PRKCE: variants seen among roughly 807,000 people sequenced by gnomAD.
The protein encoded by PRKCE is protein kinase C epsilon.
A neutral mutation model predicts 85.4 loss-of-function variants in PRKCE; 16 were observed. The observed-to-expected ratio is 0.19, with a 90% CI of 0.13 to 0.28. PRKCE has a LOEUF of 0.28. PRKCE is among the 10% of genes least tolerant of loss of function. PRKCE has a pLI of 1.00. For synonymous variants in PRKCE, 388 were observed against 371.5 expected (o/e 1.04, Z -0.51); for missense variants, 573 against 975.2 (o/e 0.59, Z 5.49).
At chr2:45,738,862 C>T (rs1468454600) in intron 1 of PRKCE, among the ~76,000 whole-genome samples, 1 of 152,242 alleles carries the variant, frequency 6.6e-6, no homozygotes, top group Non-Finnish European at 1.5e-5. Context: ...GTAGTTTTTA[C>T]ACGGCTCAAT....
intron 6 of PRKCE, among the ~76,000 whole-genome samples, chr2:45,990,375 A>G (rs1473617933): frequency 6.6e-6 from 1 of 152,192 alleles, no homozygotes; most frequent in African/African-American, 2.4e-5. Flanking sequence ...TTTTCTGTTC[A>G]TTAGAAGAGA....
At chr2:46,183,842 A>C (rs1011852393) in intron 14 of PRKCE, among the ~76,000 whole-genome samples, 3 of 152,140 alleles carry the variant, frequency 2.0e-5, no homozygotes, top group Non-Finnish European at 2.9e-5. Context: ...AGGACTACTG[A>C]CCCCTTGAAC....
At chr2:46,005,364 C>T (rs913545771) in intron 8 of PRKCE, among the ~76,000 whole-genome samples, 1 of 152,162 alleles carries the variant, frequency 6.6e-6, no homozygotes, top group Non-Finnish European at 1.5e-5. Context: ...TCAGATATGC[C>T]TGGTAAGGGA....
intron 1 of PRKCE, among the ~76,000 whole-genome samples, chr2:45,764,710 A>C (rs1392253696): frequency 1.3e-5 from 2 of 152,196 alleles, no homozygotes; most frequent in African/African-American, 4.8e-5. Context: ...ATTTAGAAAT[A>C]AGCTCAAATT....
intron 1 of PRKCE, among the ~76,000 whole-genome samples, chr2:45,817,066 AGTGTGTGTGTGTGTGTGTGTGTGT>A (rs200785601): frequency 7.4e-6 from 1 of 135,788 alleles, no homozygotes; most frequent in Non-Finnish European, 1.6e-5. Flanking sequence ...CTGTAAGTAG[AGTGTGTGTGTGTGTGTGTGTGTGT>A]GTGTGTGTGT....
rs115817778 is a variant in PRKCE at position 45,823,373 on chromosome 2, C to A, written c.349-19627C>A. On this transcript the variant is annotated intron_variant, in intron 1 of 14. Coordinates refer to ENST00000306156, the MANE Select transcript of PRKCE (RefSeq NM_005400.3). ...TTGGAAAATATTTCACCCCTAGTAGCTGAGCTGTTGAATTACTTTCGCAGA... is the reference window on the plus strand; with the variant it reads ...TTGGAAAATATTTCACCCCTAGTAGATGAGCTGTTGAATTACTTTCGCAGA... Among the ~76,000 whole-genome samples the A allele has an allele frequency of 5.6e-3, 858 of 152,340 alleles. 9 individuals carry two copies. Among genetic ancestry groups the A allele is most frequent in the African/African-American group, 0.02 (833 of 41,574 alleles).
At chr2:45,760,785 C>A (rs529195874) in intron 1 of PRKCE, among the ~76,000 whole-genome samples, 1 of 152,294 alleles carries the variant, frequency 6.6e-6, no homozygotes, top group Admixed American at 6.5e-5. Flanking sequence ...CCTCCTGCCC[C>A]TGGGTTCCCA....
intron 1 of PRKCE, among the ~76,000 whole-genome samples, chr2:45,657,316 A>G (rs548590812): frequency 3.3e-5 from 5 of 152,274 alleles, no homozygotes; most frequent in African/African-American, 7.2e-5. Flanking sequence ...CACTTCTACC[A>G]TCTACCACTT....
chr2:46,184,811 C>T lies in PRKCE; in HGVS notation c.2144C>T (p.Ala715Val), dbSNP rs751125974. The T allele has an allele frequency of 6.3e-7, 1 of 1,599,658 alleles. No individual in the cohort carries two copies. The highest frequency in any genetic ancestry group is 1.3e-5 in the African/African-American group (1 of 74,942). The stretch of plus-strand genomic sequence containing the variant: ...CCGGTACTCACCCTTGTGGACGAAG[C>T]AATTGTAAAGCAGATCAACCAGGAG... ...EEPVLTLVDE[A>V]IVKQINQEEF... is the part of the protein sequence containing the mutation. Residue 715 changes from alanine (A) to valine (V), a missense_variant, in exon 15 of 15, where the codon GCA (alanine) becomes GTA (valine). This residue lies in a region of PRKCE where 45 missense variants were observed against 39.1 expected (regional missense o/e 1.15). Transcript: ENST00000306156. The surrounding 1 kb of genome is among the most constrained non-coding windows in gnomAD (Gnocchi z 5.0).
chr2:46,024,254 T>C (rs1305759009), intron 10 of PRKCE, among the ~76,000 whole-genome samples: 4 of 152,164 alleles, frequency 2.6e-5, no homozygotes, highest in Non-Finnish European at 5.9e-5. Context: ...CTGAGTTGTA[T>C]TGGGAAAGCA....
intron 1 of PRKCE, among the ~76,000 whole-genome samples, chr2:45,820,227 A>C (rs936930749): frequency 6.6e-6 from 1 of 152,154 alleles, no homozygotes; most frequent in Admixed American, 6.5e-5. Context: ...GAAATGTTCT[A>C]TGTGCTCCTG....
intron 2 of PRKCE, among the ~76,000 whole-genome samples, chr2:45,885,854 T>C (rs749076553): frequency 2.6e-5 from 4 of 152,384 alleles, no homozygotes; most frequent in Middle Eastern, 6.8e-3. Context: ...TAGGATAATT[T>C]AAAAAGCAAA....
At chr2:45,740,832 A>G (rs1682497398) in intron 1 of PRKCE, among the ~76,000 whole-genome samples, 1 of 152,212 alleles carries the variant, frequency 6.6e-6, no homozygotes, top group African/African-American at 2.4e-5. Context: ...AAAGTGCAGT[A>G]TTACAAGGAG....
intron 1 of PRKCE, among the ~76,000 whole-genome samples, chr2:45,799,368 A>G (rs1350498794): frequency 6.6e-6 from 1 of 152,096 alleles, no homozygotes; most frequent in African/African-American, 2.4e-5. Context: ...TATTTAGTAA[A>G]TAGATAAATT....
chr2:45,707,213 A>G (rs539300851), intron 1 of PRKCE, among the ~76,000 whole-genome samples: 45 of 152,306 alleles, frequency 3.0e-4, no homozygotes, highest in African/African-American at 1.1e-3. Context: ...GTGTCCCAGA[A>G]CTTACCAGGT....
At chr2:46,059,558 C>T (rs544957482) in intron 10 of PRKCE, among the ~76,000 whole-genome samples, 107 of 152,176 alleles carry the variant, frequency 7.0e-4, no homozygotes, top group Non-Finnish European at 1.4e-3. Flanking sequence ...GGATTTATCT[C>T]ACATTTGCAG....
intron 5 of PRKCE, among the ~76,000 whole-genome samples, chr2:45,984,208 G>A (rs1359956436): frequency 2.6e-5 from 4 of 152,108 alleles, no homozygotes; most frequent in African/African-American, 9.7e-5. Flanking sequence ...AAAATGCTGG[G>A]ATTACAGATA....
intron 10 of PRKCE, among the ~76,000 whole-genome samples, chr2:46,046,285 C>T (rs1708518242): frequency 6.6e-6 from 1 of 152,228 alleles, no homozygotes; most frequent in African/African-American, 2.4e-5. Context: ...CCACCAGACT[C>T]AGCATGCTCT....
chr2:45,789,156 T>C (rs1262017461), intron 1 of PRKCE, among the ~76,000 whole-genome samples: 12 of 152,078 alleles, frequency 7.9e-5, no homozygotes. Flanking sequence ...TCCCAGCACT[T>C]TGGGACGCTG....
Sources: allele counts gnomAD v4.1 joint callset (sites outside exome capture counted in the v4.1 genomes callset), GRCh38; gene constraint gnomAD v4.1.1; regional missense constraint gnomAD v4.1.1; non-coding constraint Gnocchi (gnomAD v3.1); transcripts MANE v1.5; gene names NCBI Gene and HGNC (gene_info 2026-07-23, HGNC 2026-07-21).